ANKHD1: variants seen among roughly 807,000 people sequenced by gnomAD.
ANKHD1 encodes ankyrin repeat and KH domain containing 1, also known as ankyrin repeat and KH domain-containing protein 1.
A neutral mutation model predicts 230.5 loss-of-function variants in ANKHD1; 31 were observed. The observed-to-expected ratio is 0.13, with a 90% CI of 0.10 to 0.18. The LOEUF (loss-of-function observed/expected upper bound fraction) is 0.18, where lower values mean the gene tolerates loss of function less well. Among genes scored for constraint, ANKHD1 ranks in the 10% least tolerant of loss-of-function variants. The pLI, the probability that ANKHD1 is intolerant of heterozygous loss-of-function variation, is 1.00. For synonymous variants in ANKHD1, 1,074 were observed against 1,117.6 expected (o/e 0.96, Z 0.78); for missense variants, 2,256 against 3,071.3 (o/e 0.73, Z 6.27).
intron 10 of ANKHD1, among the ~76,000 whole-genome samples, chr5:140,478,323 A>C (rs1751076881): frequency 6.6e-6 from 1 of 151,696 alleles, no homozygotes; most frequent in African/African-American, 2.4e-5. Flanking sequence ...AAGACTACCA[A>C]AACAGATAAA....
chr5:140,459,497 C>T (rs1775547025), intron 9 of ANKHD1, 142 bp downstream of exon 9: 3 of 1,094,014 alleles, frequency 2.7e-6, no homozygotes, highest in Non-Finnish European at 2.4e-6. Context: ...GAGGAGAGTA[C>T]ACAAGGAGAG....
At chr5:140,442,481 C>T (rs1773936626) in intron 5 of ANKHD1, among the ~76,000 whole-genome samples, 1 of 152,098 alleles carries the variant, frequency 6.6e-6, no homozygotes, top group African/African-American at 2.4e-5. Context: ...TCAGTTGTCT[C>T]ATAGGAGTGT....
At chr5:140,412,283 A>G (rs961544572) in intron 1 of ANKHD1, among the ~76,000 whole-genome samples, 1 of 151,050 alleles carries the variant, frequency 6.6e-6, no homozygotes, top group Non-Finnish European at 1.5e-5. Flanking sequence ...TGATCTGCCC[A>G]CCTCCCAAAG....
rs569111824 is a variant in ANKHD1 at position 140,437,785 on chromosome 5, T to G, written c.461-676T>G. On this transcript the variant is annotated intron_variant, in intron 2 of 33. Coordinates refer to ENST00000360839, the MANE Select transcript of ANKHD1 (RefSeq NM_017747.3). ...TTTGTGCCTGTATTTATTTCTTTAT[T>G]CACTCAAAAATCAACAATTTTTGAG... Among the ~76,000 whole-genome samples the G allele has an allele frequency of 1.1e-4, 17 of 152,312 alleles. 1 individual carries two copies. In the East Asian group the frequency reaches 3.1e-3, roughly 28 times the overall value.
intron 1 of ANKHD1, among the ~76,000 whole-genome samples, chr5:140,428,821 T>C (rs559696085): frequency 3.3e-5 from 5 of 152,026 alleles, no homozygotes; most frequent in Admixed American, 6.5e-5. Context: ...CTTGCTCTGT[T>C]GCCCAGGTTA....
Position 140,538,131 on chromosome 5 carries a change from T to C in ANKHD1, c.7274T>C (p.Met2425Thr). ...WSQSVMGNHPMHQQLSDPSTF... is the reference protein window; with the variant it reads ...WSQSVMGNHPTHQQLSDPSTF... ...CAATCTGTGATGGGGAACCATCCAA[T>C]GCATCAACAATTATCAGACCCAAGC... The change falls in exon 32 of 34, where the codon ATG becomes ACG. Residue 2425 changes from methionine to threonine, a missense_variant. By Grantham distance (81) the Met-to-Thr change is moderately conservative. Coordinates refer to ENST00000360839, the MANE Select transcript of ANKHD1 (RefSeq NM_017747.3). 3 of 1,614,058 alleles carry C rather than the reference T, an allele frequency of 1.9e-6. No homozygotes were observed. Among genetic ancestry groups the C allele is most frequent in the Non-Finnish European group, 1.7e-6 (2 of 1,179,972 alleles).
At chr5:140,444,903 CAT>C (rs1399875865) in intron 5 of ANKHD1, among the ~76,000 whole-genome samples, 3 of 152,088 alleles carry the variant, frequency 2.0e-5, no homozygotes, top group Non-Finnish European at 4.4e-5. Context: ...ATCTTTATAA[CAT>C]ATAGTCTTTT....
chr5:140,507,694 T>C lies in ANKHD1; in HGVS notation c.3552-91T>C. The C allele has an allele frequency of 6.9e-7, 1 of 1,444,736 alleles. No individual in the cohort carries two copies. The highest frequency in any genetic ancestry group is 9.3e-7 in the Non-Finnish European group (1 of 1,069,602). 89.5% of individuals were successfully genotyped at this position (1,444,736 alleles called of 1,614,324 possible). A position where few individuals can be genotyped will look rare whatever the true frequency, so the allele number is the denominator to read the frequency against. On this transcript the variant is annotated intron_variant, in intron 19 of 33. Coordinates refer to ENST00000360839, the MANE Select transcript of ANKHD1 (RefSeq NM_017747.3). The surrounding 1 kb of genome is among the most constrained non-coding windows in gnomAD (Gnocchi z 4.1). Reference sequence around the variant, plus strand: ...TCTATTCATTGATGTTAGAAACCTCTCTTTTTAGTGAAACCTTTTCATCTT... The same window carrying C: ...TCTATTCATTGATGTTAGAAACCTCCCTTTTTAGTGAAACCTTTTCATCTT...
chr5:140,498,461 A>G (rs992522383), intron 15 of ANKHD1, among the ~76,000 whole-genome samples: 1 of 152,178 alleles, frequency 6.6e-6, no homozygotes, highest in African/African-American at 2.4e-5. Flanking sequence ...CTGATATGTA[A>G]TAGGTATCAT....
intron 20 of ANKHD1, among the ~76,000 whole-genome samples, chr5:140,508,528 T>G (rs1752630456): frequency 6.6e-6 from 1 of 151,974 alleles, no homozygotes; most frequent in Non-Finnish European, 1.5e-5. Context: ...CCTAGGCAGG[T>G]GAATCACATG....
At position 140,512,903 on chromosome 5, in the gene ANKHD1, A is replaced by G. The variant is rs1467235100; in HGVS notation, c.4180A>G (p.Ile1394Val). 18 of 1,596,600 alleles carry G rather than the reference A, an allele frequency of 1.1e-5. No homozygotes were observed. In the South Asian group the frequency reaches 1.4e-4, roughly 12 times the overall value. The change falls in exon 23 of 34, where the codon ATA (isoleucine) becomes GTA (valine). Residue 1394 changes from isoleucine (I) to valine (V), a missense_variant. Ile to Val is a conservative substitution (Grantham distance 29). This residue lies in a region of ANKHD1 where 195 missense variants were observed against 340.3 expected (regional missense o/e 0.57). Coordinates refer to ENST00000360839, the MANE Select transcript of ANKHD1 (RefSeq NM_017747.3). ...FPSDIECMRYIATITDKELLK... is the reference protein window; with the variant it reads ...FPSDIECMRYVATITDKELLK... ...TTCTGATATAGAATGCATGAGATAC[A>G]TAGCAACAATTACAGATAAGGTAAG...
At chr5:140,471,258 TTAAG>T (rs1366427060) in intron 10 of ANKHD1, among the ~76,000 whole-genome samples, 2 of 152,254 alleles carry the variant, frequency 1.3e-5, no homozygotes, top group Non-Finnish European at 2.9e-5. Context: ...GTTCAGCTAT[TTAAG>T]TAAAGATTCC....
chr5:140,523,107 C>CT (rs1753431278), intron 24 of ANKHD1, among the ~76,000 whole-genome samples: 2 of 111,286 alleles, frequency 1.8e-5, no homozygotes, highest in African/African-American at 6.8e-5. Flanking sequence ...TTTTCTTTTT[C>CT]CTTTTTTTTT....
At chr5:140,404,888 T>G (rs914398074) in intron 1 of ANKHD1, among the ~76,000 whole-genome samples, 7 of 152,000 alleles carry the variant, frequency 4.6e-5, no homozygotes, top group Non-Finnish European at 1.0e-4. Context: ...AGTAATAGTC[T>G]TAAATTTCTT....
chr5:140,523,464 G>A (rs1753454553), intron 24 of ANKHD1, among the ~76,000 whole-genome samples: 1 of 150,504 alleles, frequency 6.6e-6, no homozygotes, highest in African/African-American at 2.5e-5. Flanking sequence ...CTTTTCATTC[G>A]TGAGTTGTAA....
intron 29 of ANKHD1, among the ~76,000 whole-genome samples, chr5:140,533,115 T>C (rs868662129): frequency 2.0e-5 from 3 of 148,116 alleles, no homozygotes; most frequent in Non-Finnish European, 4.4e-5. Context: ...AAAAAAGCTA[T>C]CATGATCTTT....
Position 140,529,151 on chromosome 5 carries a change from A to G in ANKHD1, c.6205A>G (p.Ser2069Gly), listed in dbSNP as rs199516757. 1.2e-5 allele frequency: 19 copies of G among 1,614,212 alleles called. No homozygotes were observed. Among genetic ancestry groups the G allele is most frequent in the Non-Finnish European group, 1.4e-5 (17 of 1,180,038 alleles). Residue 2069 changes from serine to glycine, a missense_variant, in exon 29 of 34, where the codon AGT becomes GGT. Coordinates refer to ENST00000360839, the MANE Select transcript of ANKHD1 (RefSeq NM_017747.3). Reference protein sequence around the residue: ...PGAPETHPSSSPTPTSSNTQE... With the variant: ...PGAPETHPSSGPTPTSSNTQE... ...AGCTCCAGAAACTCACCCATCCAGT[A>G]GTCCCACTCCTACTTCCAGTAACAC...
rs201562843 is a variant in ANKHD1, at chr5:140,529,270, A to G, written c.6324A>G (p.Thr2108=). The G allele has an allele frequency of 3.1e-5, 50 of 1,614,228 alleles. 1 individual carries two copies. In the Admixed American group the frequency reaches 5.2e-4, roughly 17 times the overall value. Residue 2108 remains threonine, a synonymous_variant, in exon 29 of 34, where the codon ACA becomes ACG. Transcript: ENST00000360839. The part of the protein sequence containing the change: ...SNSEPAPLTL[T]SPRMVAADNQ... ...CAGAACCTGCTCCATTGACTTTGAC[A>G]TCACCCAGAATGGTTGCTGCTGATA...
intron 28 of ANKHD1, 53 bp from the exon 29 acceptor site, chr5:140,528,123 ATTACCTTT>A (rs1224887488): frequency 2.6e-5 from 39 of 1,503,376 alleles, no homozygotes; most frequent in Non-Finnish European, 3.5e-5. Context: ...GATGGTTAAG[ATTACCTTT>A]TTTTTTTTTT....
Sources: allele counts gnomAD v4.1 joint callset (sites outside exome capture counted in the v4.1 genomes callset), GRCh38; gene constraint gnomAD v4.1.1; regional missense constraint gnomAD v4.1.1; non-coding constraint Gnocchi (gnomAD v3.1); transcripts MANE v1.5; gene names NCBI Gene and HGNC (gene_info 2026-07-23, HGNC 2026-07-21).